Variants in SLC25A13 observed in about 807,000 individuals in gnomAD.
SLC25A13 encodes the protein electrogenic aspartate/glutamate antiporter SLC25A13, mitochondrial.
A neutral mutation model predicts 85.5 loss-of-function variants in SLC25A13; 70 were observed. That is an observed-to-expected ratio of 0.82 (90% CI 0.68 to 1.00). SLC25A13 has a LOEUF of 1.00. Ranked by LOEUF, SLC25A13 falls within the 50% of genes least tolerant of loss-of-function variation. The probability of loss-of-function intolerance (pLI) is 0.00; values close to 1 mark genes in which losing one functional copy is unlikely to be tolerated. For synonymous variants in SLC25A13, 259 were observed against 288.7 expected, an observed-to-expected ratio of 0.90 and a Z score of 1.04; for missense variants, 765 against 819.8, an observed-to-expected ratio of 0.93 and a Z score of 0.82.
intron 13 of SLC25A13, among the ~76,000 whole-genome samples, chr7:96,164,350 A>G (rs1297846876): frequency 6.6e-6 from 1 of 152,148 alleles, no homozygotes; most frequent in Non-Finnish European, 1.5e-5. Flanking sequence ...GACATTTTGG[A>G]CCTTCTAGCT....
chr7:96,211,118 A>G (rs1795676583), intron 4 of SLC25A13, among the ~76,000 whole-genome samples: 1 of 152,208 alleles, frequency 6.6e-6, no homozygotes, highest in Admixed American at 6.5e-5. Context: ...AAGTTTTTCT[A>G]AAATTAGTGA....
intron 5 of SLC25A13, among the ~76,000 whole-genome samples, chr7:96,205,178 G>A (rs1001125469): frequency 6.6e-5 from 10 of 152,160 alleles, no homozygotes; most frequent in African/African-American, 2.2e-4. Context: ...AAAGTACTGG[G>A]ATTACAGGCG....
intron 1 of SLC25A13, among the ~76,000 whole-genome samples, chr7:96,300,140 T>C (rs1170362567): frequency 6.6e-6 from 1 of 152,206 alleles, no homozygotes; most frequent in Non-Finnish European, 1.5e-5. Flanking sequence ...ACAGGAATGG[T>C]GGCTCATACC....
intron 14 of SLC25A13, among the ~76,000 whole-genome samples, chr7:96,134,793 T>TTTTATATATATA (rs940988441): frequency 9.8e-6 from 1 of 102,250 alleles, no homozygotes; most frequent in Admixed American, 1.0e-4. Context: ...ACAAACAATT[T>TTTTATATATATA]TATATATATA....
chr7:96,288,006 C>G (rs574263735), intron 2 of SLC25A13, among the ~76,000 whole-genome samples: 8 of 152,350 alleles, frequency 5.3e-5, no homozygotes, highest in Admixed American at 2.0e-4. Context: ...CTGGTTCTCT[C>G]ATACAGACCT....
intron 2 of SLC25A13, among the ~76,000 whole-genome samples, chr7:96,278,089 A>G (rs1020859592): frequency 6.6e-6 from 1 of 152,146 alleles, no homozygotes; most frequent in Non-Finnish European, 1.5e-5. Flanking sequence ...CTGGCCTTTA[A>G]TGTGATACAC....
intron 5 of SLC25A13, among the ~76,000 whole-genome samples, chr7:96,197,092 A>G (rs1033993137): frequency 5.3e-5 from 8 of 152,030 alleles, no homozygotes; most frequent in Admixed American, 1.3e-4. Flanking sequence ...CAGCATTTCT[A>G]CTCCCCAGCC....
chr7:96,228,968 G>A (rs1029408240), intron 4 of SLC25A13, among the ~76,000 whole-genome samples: 7 of 152,178 alleles, frequency 4.6e-5, no homozygotes, highest in Non-Finnish European at 7.4e-5. Flanking sequence ...TCAGGAGCTG[G>A]AGCCCGCCAT....
chr7:96,212,695 T>G (rs1384497675), intron 4 of SLC25A13, among the ~76,000 whole-genome samples: 1 of 152,138 alleles, frequency 6.6e-6, no homozygotes, highest in Non-Finnish European at 1.5e-5. Context: ...ACATGATAGA[T>G]CCTGCTCCAG....
chr7:96,162,800 T>C (rs1454949852), intron 13 of SLC25A13, among the ~76,000 whole-genome samples: 1 of 152,144 alleles, frequency 6.6e-6, no homozygotes, highest in East Asian at 1.9e-4. Context: ...AAAGGCCAAG[T>C]AGAGAAAATG....
At chr7:96,249,478 C>A (rs1204280197) in intron 3 of SLC25A13, among the ~76,000 whole-genome samples, 1 of 152,100 alleles carries the variant, frequency 6.6e-6, no homozygotes. Context: ...ACTGTTTGAG[C>A]CCATTCTATT....
intron 3 of SLC25A13, among the ~76,000 whole-genome samples, chr7:96,238,886 G>A (rs575862318): frequency 6.6e-6 from 1 of 151,658 alleles, no homozygotes; most frequent in Non-Finnish European, 1.5e-5. Flanking sequence ...GAAAAGGGAT[G>A]TTTTTGGTTT....
chr7:96,200,745 C>A (rs1469194425), intron 5 of SLC25A13, among the ~76,000 whole-genome samples: 1 of 152,182 alleles, frequency 6.6e-6, no homozygotes, highest in Non-Finnish European at 1.5e-5. Context: ...TAACGTTAAA[C>A]TTCACAGTGG....
chr7:96,244,425 CT>C (rs1797107341), intron 3 of SLC25A13, among the ~76,000 whole-genome samples: 1 of 152,202 alleles, frequency 6.6e-6, no homozygotes, highest in African/African-American at 2.4e-5. Context: ...CTAATCTGAT[CT>C]GAAAAGAGAC....
intron 2 of SLC25A13, among the ~76,000 whole-genome samples, chr7:96,294,520 A>T (rs1173319512): frequency 6.6e-6 from 1 of 151,996 alleles, no homozygotes; most frequent in Admixed American, 6.6e-5. Flanking sequence ...GAGGCATGAG[A>T]ATCACATGAA....
intron 3 of SLC25A13, among the ~76,000 whole-genome samples, chr7:96,260,034 T>A: frequency 8.4e-6 from 1 of 118,854 alleles, no homozygotes; most frequent in African/African-American, 3.2e-5. Context: ...GAGGGAAACA[T>A]CACACACTGG....
rs573632850 is a variant in SLC25A13, at chr7:96,187,289, C to T, written c.933+2005G>A. 1.4e-4 allele frequency among the ~76,000 whole-genome samples: 21 copies of T among 152,308 alleles called. No individual in the cohort carries two copies. The South Asian group carries it at 2.5e-3, about 18-fold the overall frequency. ...GAACAATGAAAATAATCAGCAACCC[C>T]AGCTATCAACCCACTGAATTTTAGT... On this transcript the variant is annotated intron_variant, in intron 9 of 17. Transcript: ENST00000265631.
At chr7:96,223,857 A>G (rs1796229544) in intron 4 of SLC25A13, among the ~76,000 whole-genome samples, 1 of 151,672 alleles carries the variant, frequency 6.6e-6, no homozygotes, top group African/African-American at 2.4e-5. Context: ...TAGGCTATTA[A>G]TGTGGTACAA....
intron 5 of SLC25A13, among the ~76,000 whole-genome samples, chr7:96,203,955 CAA>C (rs1454190568): frequency 5.3e-5 from 8 of 152,160 alleles, no homozygotes; most frequent in Non-Finnish European, 1.0e-4. Context: ...GGAGAAAGTG[CAA>C]CAGAGTGGGA....
Sources: allele counts gnomAD v4.1 joint callset (sites outside exome capture counted in the v4.1 genomes callset), GRCh38; gene constraint gnomAD v4.1.1; transcripts MANE v1.5; gene names NCBI Gene and HGNC (gene_info 2026-07-23, HGNC 2026-07-21).